The following KCNMA1 variants were observed in gnomAD, a reference collection of about 807,000 sequenced individuals.
KCNMA1 encodes potassium calcium-activated channel subfamily M alpha 1.
KCNMA1 carries 29 observed loss-of-function variants against 140.0 expected under a neutral mutation model. The observed-to-expected ratio is 0.21, with a 90% CI of 0.15 to 0.28. KCNMA1 has a LOEUF of 0.28. Among genes scored for constraint, KCNMA1 ranks in the 10% least tolerant of loss-of-function variants. The probability of loss-of-function intolerance (pLI) is 1.00; values close to 1 mark genes in which losing one functional copy is unlikely to be tolerated. For synonymous variants in KCNMA1, 612 were observed against 611.9 expected, an observed-to-expected ratio of 1.00 and a Z score of 0.00; for missense variants, 880 against 1,602.2, an observed-to-expected ratio of 0.55 and a Z score of 7.70.
intron 2 of KCNMA1, among the ~76,000 whole-genome samples, chr10:77,402,177 C>G (rs1603472974): frequency 6.6e-6 from 1 of 152,310 alleles, no homozygotes; most frequent in East Asian, 1.9e-4. Flanking sequence ...ACTCAGAATT[C>G]AACCTCTCTT....
chr10:77,132,587 C>T (rs111484841), intron 5 of KCNMA1, among the ~76,000 whole-genome samples: 1,575 of 148,434 alleles, frequency 0.011, 34 homozygotes, highest in African/African-American at 0.037. Flanking sequence ...TGCAGTGGCG[C>T]GATCTCGGCT....
chr10:77,495,923 G>A (rs2041759697), intron 1 of KCNMA1, among the ~76,000 whole-genome samples: 1 of 152,174 alleles, frequency 6.6e-6, no homozygotes, highest in African/African-American at 2.4e-5. Context: ...AAAGCCACCA[G>A]CCTCAGGAAG....
intron 19 of KCNMA1, chr10:76,977,800 G>T: frequency 1.7e-6 from 1 of 585,918 alleles, no homozygotes; most frequent in Non-Finnish European, 3.0e-6. Flanking sequence ...GAGGTCATGA[G>T]TCAGGTGAGT....
intron 19 of KCNMA1, among the ~76,000 whole-genome samples, chr10:76,978,960 T>C (rs1459168590): frequency 6.6e-6 from 1 of 152,234 alleles, no homozygotes; most frequent in East Asian, 1.9e-4. Context: ...TTTATTTTGA[T>C]AGTTTGAAAA....
chr10:77,333,360 A>G (rs1391081908), intron 2 of KCNMA1, among the ~76,000 whole-genome samples: 1 of 150,026 alleles, frequency 6.7e-6, no homozygotes, highest in Non-Finnish European at 1.5e-5. Flanking sequence ...CAAAAAAAAA[A>G]AAAAGAAAAA....
At chr10:77,483,040 A>C (rs895870678) in intron 1 of KCNMA1, among the ~76,000 whole-genome samples, 14 of 108,290 alleles carry the variant, frequency 1.3e-4, no homozygotes, top group Admixed American at 4.1e-4. Flanking sequence ...ACACACACAC[A>C]CCCCTTGTTC....
chr10:76,903,782 G>A (rs1161812386), intron 25 of KCNMA1: 1 of 152,200 alleles, frequency 6.6e-6, no homozygotes, highest in African/African-American at 2.4e-5. Flanking sequence ...TGAAAGTACA[G>A]GAAAGACAGT....
chr10:77,068,079 C>T (rs1368497410), intron 14 of KCNMA1, among the ~76,000 whole-genome samples: 7 of 152,290 alleles, frequency 4.6e-5, no homozygotes, highest in Admixed American at 4.6e-4. Flanking sequence ...GGTTTGAACA[C>T]CTGAGTTTGT....
intron 3 of KCNMA1, among the ~76,000 whole-genome samples, chr10:77,194,558 A>G (rs2039781950): frequency 6.6e-6 from 1 of 152,166 alleles, no homozygotes; most frequent in African/African-American, 2.4e-5. Flanking sequence ...AGCTAAAACT[A>G]TTGAATCGAC....
At chr10:77,369,046 A>C (rs1402371032) in intron 2 of KCNMA1, among the ~76,000 whole-genome samples, 1 of 152,204 alleles carries the variant, frequency 6.6e-6, no homozygotes, top group Non-Finnish European at 1.5e-5. Flanking sequence ...TTTCACATAA[A>C]TTTTAGAAAT....
chr10:77,299,341 C>A (rs186718892), intron 2 of KCNMA1, among the ~76,000 whole-genome samples: 215 of 152,318 alleles, frequency 1.4e-3, no homozygotes, highest in African/African-American at 4.7e-3. Flanking sequence ...CATTTTAAAG[C>A]TTGCAGTGAG....
intron 2 of KCNMA1, among the ~76,000 whole-genome samples, chr10:77,335,951 G>T (rs2088774806): frequency 6.6e-6 from 1 of 152,064 alleles, no homozygotes; most frequent in Non-Finnish European, 1.5e-5. Context: ...ACCAATCTTG[G>T]TTCAAGGTGA....
intron 1 of KCNMA1, among the ~76,000 whole-genome samples, chr10:77,452,439 G>C (rs1429369525): frequency 2.0e-5 from 3 of 152,342 alleles, no homozygotes; most frequent in Middle Eastern, 3.4e-3. Context: ...TTAAATTGGA[G>C]TGTGAAAGAC....
intron 2 of KCNMA1, among the ~76,000 whole-genome samples, chr10:77,380,243 T>C (rs147226666): frequency 3.9e-5 from 6 of 152,278 alleles, no homozygotes; most frequent in African/African-American, 1.4e-4. Context: ...ATAAAGAACA[T>C]TCTTCAATTT....
At chr10:77,363,912 T>G (rs1347064183) in intron 2 of KCNMA1, among the ~76,000 whole-genome samples, 1 of 152,202 alleles carries the variant, frequency 6.6e-6, no homozygotes, top group Non-Finnish European at 1.5e-5. Context: ...AATGGACTTG[T>G]CAATATGCAT....
At position 77,404,989 on chromosome 10, in the gene KCNMA1, C is replaced by G. The variant is rs2096421496; in HGVS notation, c.379-966G>C. 2.6e-5 allele frequency among the ~76,000 whole-genome samples: 4 copies of G among 151,424 alleles called. 1 individual carries two copies. Among genetic ancestry groups the G allele is most frequent in the Admixed American group, 2.6e-4 (4 of 15,212 alleles). ...TTTGAACACCCGGATCCAGCTGTGC[C>G]TGAAATCTACACCAGACCTTTCCAG... On this transcript the variant is annotated intron_variant, in intron 1 of 27. Transcript: ENST00000286628.
intron 5 of KCNMA1, among the ~76,000 whole-genome samples, chr10:77,124,767 A>C (rs183609916): frequency 6.6e-6 from 1 of 152,222 alleles, no homozygotes; most frequent in African/African-American, 2.4e-5. Context: ...AAGCCAGACT[A>C]TCTGGAGAAA....
intron 1 of KCNMA1, among the ~76,000 whole-genome samples, chr10:77,507,865 G>A (rs1243090924): frequency 6.6e-6 from 1 of 152,160 alleles, no homozygotes; most frequent in Non-Finnish European, 1.5e-5. Flanking sequence ...CTGCTTCTAG[G>A]AATCTGTCCT....
intron 1 of KCNMA1, among the ~76,000 whole-genome samples, chr10:77,502,407 C>T (rs1172066149): frequency 6.6e-6 from 1 of 152,174 alleles, no homozygotes; most frequent in African/African-American, 2.4e-5. Flanking sequence ...AAAATACCTG[C>T]CCTTCCTATT....
Sources: gnomAD v4.1 joint callset for allele counts (sites outside exome capture counted in the v4.1 genomes callset) on GRCh38, gnomAD v4.1.1 for gene constraint, MANE v1.5 for transcripts, NCBI Gene and HGNC (gene_info 2026-07-23, HGNC 2026-07-21) for gene names.